CLEC16A: variants seen among roughly 807,000 people sequenced by gnomAD.
CLEC16A encodes protein CLEC16A.
A neutral mutation model predicts 109.5 loss-of-function variants in CLEC16A; 51 were observed. The ratio of observed to expected loss-of-function variants is 0.47; its 90% confidence interval spans 0.37 to 0.59. CLEC16A has a LOEUF of 0.59. CLEC16A is among the 20% of genes least tolerant of loss of function. The pLI is 0.00. For missense variants in CLEC16A, 1,339 were observed against 1,394.0 expected, an observed-to-expected ratio of 0.96 and a Z score of 0.63; for synonymous variants, 673 against 564.2, an observed-to-expected ratio of 1.19 and a Z score of -2.73.
At chr16:11,036,207 T>A (rs1333155078) in intron 13 of CLEC16A, 6 of 152,230 alleles carry the variant, frequency 3.9e-5, no homozygotes, top group Admixed American at 2.0e-4. Flanking sequence ...GCTAGCTGCC[T>A]CTCCTGGGCC....
At chr16:11,128,833 G>A (rs570069612) in intron 22 of CLEC16A, among the ~76,000 whole-genome samples, 10 of 152,238 alleles carry the variant, frequency 6.6e-5, no homozygotes, top group African/African-American at 1.9e-4. Context: ...ACTGAGATCC[G>A]AGATCTCCTC....
intron 22 of CLEC16A, among the ~76,000 whole-genome samples, chr16:11,142,343 C>G (rs576411252): frequency 6.6e-6 from 1 of 152,246 alleles, no homozygotes. Context: ...ATCATACTTG[C>G]AGCCTCACAT....
At chr16:11,175,832 C>T (rs749849235) in intron 23 of CLEC16A, among the ~76,000 whole-genome samples, 3 of 152,222 alleles carry the variant, frequency 2.0e-5, no homozygotes, top group Non-Finnish European at 2.9e-5. Flanking sequence ...TAACCAAACA[C>T]CCCATTAAGG....
chr16:11,150,984 T>TA (rs2054271937), intron 22 of CLEC16A, among the ~76,000 whole-genome samples: 4 of 152,198 alleles, frequency 2.6e-5, no homozygotes. Flanking sequence ...ACAGACATAT[T>TA]GGATTAGGAC....
intron 19 of CLEC16A, among the ~76,000 whole-genome samples, chr16:11,068,366 T>G (rs889339070): frequency 1.3e-5 from 2 of 152,190 alleles, no homozygotes; most frequent in Admixed American, 1.3e-4. Flanking sequence ...TCAGGATATT[T>G]TATCGTAAAA....
rs555992580 is a variant in CLEC16A at position 11,167,630 on chromosome 16, C to T, written c.2806+1078C>T. The stretch of plus-strand genomic sequence containing the variant: ...ATGCCTGTGGCTCAGAGCACCCCAA[C>T]CCACCTGTGTCTCTCCCATCCACAC... On this transcript the variant is annotated intron_variant, in intron 23 of 23. Transcript: ENST00000409790. Among the ~76,000 whole-genome samples, 21 of 152,332 alleles carry T rather than the reference C, an allele frequency of 1.4e-4. No homozygotes were observed. In the South Asian group the frequency reaches 4.4e-3, roughly 32 times the overall value.
chr16:10,988,231 T>C (rs1032122813), intron 10 of CLEC16A, among the ~76,000 whole-genome samples: 1 of 152,240 alleles, frequency 6.6e-6, no homozygotes, highest in Non-Finnish European at 1.5e-5. Flanking sequence ...AAAGGACTTT[T>C]TTTTCCTCTT....
chr16:10,995,639 C>T (rs1210834600), intron 10 of CLEC16A, among the ~76,000 whole-genome samples: 1 of 152,160 alleles, frequency 6.6e-6, no homozygotes, highest in African/African-American at 2.4e-5. Context: ...GGCATTTTGC[C>T]TGTTGGATCC....
Position 11,016,457 on chromosome 16 carries a change from T to A in CLEC16A, c.1304-3736T>A, listed in dbSNP as rs954953664. ...CCCACCCCCTGGGTTCAAGCGATTC[T>A]CATGCCTCAGCCTCCCCAGTAGTTG... On this transcript the variant is annotated intron_variant, in intron 11 of 23. Coordinates refer to ENST00000409790, the MANE Select transcript of CLEC16A (RefSeq NM_015226.3). Among the ~76,000 whole-genome samples, 6 of 151,646 alleles carry A rather than the reference T, an allele frequency of 4.0e-5. No homozygotes were observed. In the East Asian group the frequency reaches 1.2e-3, roughly 29 times the overall value.
intron 19 of CLEC16A, among the ~76,000 whole-genome samples, chr16:11,119,690 C>T (rs566692837): frequency 7.2e-5 from 11 of 152,284 alleles, no homozygotes; most frequent in African/African-American, 2.6e-4. Flanking sequence ...TCACACCTGG[C>T]CTAGCTTTGC....
intron 13 of CLEC16A, among the ~76,000 whole-genome samples, chr16:11,031,888 A>T (rs1486514405): frequency 6.6e-6 from 1 of 152,178 alleles, no homozygotes; most frequent in African/African-American, 2.4e-5. Context: ...GCAGTTTCTG[A>T]TGAATTTCCT....
At chr16:11,052,261 GA>G (rs574396342) in intron 18 of CLEC16A, among the ~76,000 whole-genome samples, 71 of 152,258 alleles carry the variant, frequency 4.7e-4, no homozygotes, top group Non-Finnish European at 7.1e-4. Flanking sequence ...TTCTTTCTTA[GA>G]AAGCACCATC....
At chr16:11,036,282 A>C (rs2047013278) in intron 13 of CLEC16A, among the ~76,000 whole-genome samples, 2 of 145,372 alleles carry the variant, frequency 1.4e-5, no homozygotes, top group South Asian at 2.2e-4. Flanking sequence ...CCCATCCTCC[A>C]CCTCATCACC....
At chr16:11,020,038 C>T (rs1006054400) in intron 11 of CLEC16A, among the ~76,000 whole-genome samples, 155 bp from the exon 12 acceptor site, 34 of 152,202 alleles carry the variant, frequency 2.2e-4, no homozygotes, top group African/African-American at 8.2e-4. Flanking sequence ...TATTTCCACC[C>T]CAGTGTGTCT....
chr16:11,112,772 C>A (rs1435785578), intron 19 of CLEC16A, among the ~76,000 whole-genome samples: 2 of 152,228 alleles, frequency 1.3e-5, no homozygotes, highest in Non-Finnish European at 2.9e-5. Context: ...GGCTATGTCA[C>A]CTTTCCTTGG....
intron 13 of CLEC16A, among the ~76,000 whole-genome samples, chr16:11,038,379 A>T (rs2047139939): frequency 6.6e-6 from 1 of 152,172 alleles, no homozygotes; most frequent in Non-Finnish European, 1.5e-5. Context: ...CAAATAATCC[A>T]TTCAGTTCTC....
At position 11,161,474 on chromosome 16, in the gene CLEC16A, A is replaced by T. The variant is rs989749320; in HGVS notation, c.2642-4914A>T. Among the ~76,000 whole-genome samples the T allele has an allele frequency of 4.6e-5, 7 of 152,318 alleles. No individual in the cohort carries two copies. In the East Asian group the frequency reaches 1.3e-3, roughly 29 times the overall value. ...TTGAGAGCAAGTGGTTCTTGGTAGG[A>T]GGTCTGAGGACTGACCTAGGCTGCT... is the stretch of plus-strand genomic sequence containing the variant. On this transcript the variant is annotated intron_variant, in intron 22 of 23. Transcript: ENST00000409790.
At chr16:10,984,608 A>T (rs757724760) in intron 10 of CLEC16A, among the ~76,000 whole-genome samples, 1 of 152,230 alleles carries the variant, frequency 6.6e-6, no homozygotes, top group Non-Finnish European at 1.5e-5. Flanking sequence ...CCTAGAGGTG[A>T]CAGGGGTGAT....
intron 11 of CLEC16A, among the ~76,000 whole-genome samples, chr16:11,009,571 G>T (rs1313926745): frequency 2.0e-5 from 3 of 152,194 alleles, no homozygotes; most frequent in Non-Finnish European, 4.4e-5. Context: ...AGCTCCTAGA[G>T]GCGGGAAACT....
Sources: gnomAD v4.1 joint callset for allele counts (sites outside exome capture counted in the v4.1 genomes callset) on GRCh38, gnomAD v4.1.1 for gene constraint, MANE v1.5 for transcripts, NCBI Gene and HGNC (gene_info 2026-07-23, HGNC 2026-07-21) for gene names.